Variants in FHOD3 observed in about 807,000 individuals in gnomAD.
FHOD3 encodes formin homology 2 domain containing 3, also known as FH1/FH2 domain-containing protein 3.
In FHOD3, 90 loss-of-function variants were observed where a neutral mutation model predicts 173.0. The ratio of observed to expected loss-of-function variants is 0.52; its 90% CI spans 0.44 to 0.62. The LOEUF (loss-of-function observed/expected upper bound fraction) is 0.62, where lower values mean the gene tolerates loss of function less well. FHOD3 is among the 20% of genes least tolerant of loss of function. The pLI, the probability that FHOD3 is intolerant of heterozygous loss-of-function variation, is 0.00. For synonymous variants in FHOD3, 828 were observed against 823.0 expected (o/e 1.01, Z -0.10); for missense variants, 1,945 against 2,034.7 (o/e 0.96, Z 0.85).
chr18:36,748,659 G>A (rs986996951), intron 24 of FHOD3, among the ~76,000 whole-genome samples: 1 of 152,126 alleles, frequency 6.6e-6, no homozygotes, highest in South Asian at 2.1e-4. Flanking sequence ...TCCTACTGGG[G>A]ATGACCAGGA....
intron 3 of FHOD3, among the ~76,000 whole-genome samples, chr18:36,448,044 A>G (rs1029712950): frequency 2.0e-5 from 3 of 152,242 alleles, no homozygotes; most frequent in African/African-American, 7.2e-5. Context: ...ATAAATAACA[A>G]AAAGATGAAA....
At chr18:36,411,678 G>C (rs2049358512) in intron 3 of FHOD3, among the ~76,000 whole-genome samples, 1 of 152,182 alleles carries the variant, frequency 6.6e-6, no homozygotes, top group African/African-American at 2.4e-5. Context: ...CTGATCCTGT[G>C]GGTTTATCTC....
intron 14 of FHOD3, among the ~76,000 whole-genome samples, chr18:36,680,149 G>A (rs142138075): frequency 4.7e-4 from 71 of 152,280 alleles, no homozygotes; most frequent in African/African-American, 1.7e-3. Context: ...TAGTGAGCCT[G>A]GAATATTGAA....
intron 14 of FHOD3, among the ~76,000 whole-genome samples, chr18:36,665,002 A>C (rs975911881): frequency 5.9e-5 from 9 of 152,280 alleles, no homozygotes; most frequent in African/African-American, 1.7e-4. Flanking sequence ...CAGAGGCAGG[A>C]GGATCACTTG....
chr18:36,643,248 G>T (rs2035460488), intron 10 of FHOD3, among the ~76,000 whole-genome samples: 2 of 152,038 alleles, frequency 1.3e-5, no homozygotes, highest in Non-Finnish European at 2.9e-5. Context: ...CCTAGGGAAG[G>T]TTTCTCAACC....
At chr18:36,700,772 G>A (rs778865054) in intron 17 of FHOD3, among the ~76,000 whole-genome samples, 3 of 149,894 alleles carry the variant, frequency 2.0e-5, no homozygotes, top group Non-Finnish European at 4.5e-5. Flanking sequence ...TTTGTACCCA[G>A]TACCAACCAC....
intron 3 of FHOD3, among the ~76,000 whole-genome samples, chr18:36,454,167 T>C (rs1397046080): frequency 6.6e-6 from 1 of 152,058 alleles, no homozygotes; most frequent in Non-Finnish European, 1.5e-5. Flanking sequence ...TTCCAGGTCC[T>C]GAGGTCGACC....
intron 9 of FHOD3, among the ~76,000 whole-genome samples, chr18:36,623,676 G>C (rs1003663564): frequency 2.0e-5 from 3 of 152,186 alleles, no homozygotes; most frequent in African/African-American, 7.2e-5. Flanking sequence ...GTGAATTCTA[G>C]GGGAGTAAAA....
chr18:36,728,325 T>A (rs1246410432), intron 19 of FHOD3, among the ~76,000 whole-genome samples: 7 of 152,210 alleles, frequency 4.6e-5, no homozygotes, highest in Non-Finnish European at 1.0e-4. Context: ...TATTTAACAT[T>A]CTGTCAAACT....
At chr18:36,333,809 T>C (rs2045151150) in intron 1 of FHOD3, among the ~76,000 whole-genome samples, 1 of 152,224 alleles carries the variant, frequency 6.6e-6, no homozygotes, top group Non-Finnish European at 1.5e-5. Flanking sequence ...GACTTATCCA[T>C]GCTTAAGTTT....
At chr18:36,543,486 G>C (rs748313716) in intron 5 of FHOD3, among the ~76,000 whole-genome samples, 2 of 152,062 alleles carry the variant, frequency 1.3e-5, no homozygotes, top group Non-Finnish European at 2.9e-5. Flanking sequence ...CCCTTCTTTT[G>C]TCCAGAAAAG....
chr18:36,611,013 G>C (rs1266468187), intron 8 of FHOD3, among the ~76,000 whole-genome samples: 2 of 152,196 alleles, frequency 1.3e-5, no homozygotes, highest in African/African-American at 2.4e-5. Flanking sequence ...CCTTGTCTCA[G>C]ATACCCTCCT....
intron 14 of FHOD3, among the ~76,000 whole-genome samples, chr18:36,659,192 C>A (rs1024887032): frequency 6.6e-6 from 1 of 152,132 alleles, no homozygotes; most frequent in Non-Finnish European, 1.5e-5. Context: ...AGACCTTAAG[C>A]CCTGGGAGGA....
At chr18:36,476,277 G>A (rs770642040) in intron 3 of FHOD3, among the ~76,000 whole-genome samples, 3 of 152,192 alleles carry the variant, frequency 2.0e-5, no homozygotes, top group Non-Finnish European at 4.4e-5. Context: ...CAGGCTGTCA[G>A]AGGGCCTGAG....
At chr18:36,462,145 A>G (rs2052591301) in intron 3 of FHOD3, among the ~76,000 whole-genome samples, 1 of 152,096 alleles carries the variant, frequency 6.6e-6, no homozygotes, top group Admixed American at 6.5e-5. Context: ...TTCCTATACC[A>G]TGGCTCATGG....
chr18:36,549,048 A>G (rs1390293667), intron 5 of FHOD3, among the ~76,000 whole-genome samples: 4 of 152,230 alleles, frequency 2.6e-5, no homozygotes, highest in Admixed American at 2.6e-4. Flanking sequence ...CTAGTGTTGT[A>G]TGAGAGTCTA....
At chr18:36,421,304 A>G (rs1209531886) in intron 3 of FHOD3, among the ~76,000 whole-genome samples, 16 of 152,238 alleles carry the variant, frequency 1.1e-4, no homozygotes, top group Admixed American at 1.0e-3. Flanking sequence ...TAACAAAAAG[A>G]TACTTTTGAA....
At chr18:36,463,567 C>G (rs573488509) in intron 3 of FHOD3, among the ~76,000 whole-genome samples, 1 of 142,576 alleles carries the variant, frequency 7.0e-6, no homozygotes, top group Non-Finnish European at 1.5e-5. Flanking sequence ...GGTGTTATCT[C>G]GGCTTACTGC....
rs113685567 is a variant in FHOD3 at position 36,639,444 on chromosome 18, G to C, written c.1197-9872G>C. Among the ~76,000 whole-genome samples, 359 of 152,204 alleles carry C rather than the reference G, an allele frequency of 2.4e-3. 1 individual carries two copies. The highest frequency in any genetic ancestry group is 8.4e-3 in the African/African-American group (348 of 41,526). ...TCCCAGCAATTTGGGAGGCCAAGGCGGGCGGATCACGAGGTCAGGAGATCA... is the reference window on the plus strand; with the variant it reads ...TCCCAGCAATTTGGGAGGCCAAGGCCGGCGGATCACGAGGTCAGGAGATCA... On this transcript the variant is annotated intron_variant, in intron 10 of 28. Transcript: ENST00000590592.
Sources: allele counts gnomAD v4.1 joint callset (sites outside exome capture counted in the v4.1 genomes callset), GRCh38; gene constraint gnomAD v4.1.1; transcripts MANE v1.5; gene names NCBI Gene and HGNC (gene_info 2026-07-23, HGNC 2026-07-21).